The following PDCL2 variants were observed in gnomAD, a reference collection of about 807,000 sequenced individuals.
PDCL2 encodes the protein phosducin-like protein 2.
A neutral mutation model predicts 30.3 loss-of-function variants in PDCL2; 23 were observed. The ratio of observed to expected loss-of-function variants is 0.76; its 90% CI spans 0.55 to 1.08. The LOEUF (loss-of-function observed/expected upper bound fraction) is 1.08. Ranked by LOEUF, PDCL2 falls within the 50% of genes least tolerant of loss-of-function variation. The pLI is 0.00. For missense variants in PDCL2, 243 were observed against 282.3 expected, an observed-to-expected ratio of 0.86 and a Z score of 1.00; for synonymous variants, 68 against 86.2, an observed-to-expected ratio of 0.79 and a Z score of 1.17.
intron 1 of PDCL2, among the ~76,000 whole-genome samples, chr4:55,589,044 A>G (rs952614028): frequency 6.6e-6 from 1 of 152,050 alleles, no homozygotes; most frequent in Non-Finnish European, 1.5e-5. Context: ...TTTTTTTAGT[A>G]GAGACGGGGT....
At chr4:55,576,673 G>T (rs1250004771) in intron 3 of PDCL2, among the ~76,000 whole-genome samples, 2 of 151,928 alleles carry the variant, frequency 1.3e-5, no homozygotes, top group Admixed American at 6.6e-5. Flanking sequence ...AAATAAAAAT[G>T]GTACACTAGA....
chr4:55,582,244 AAAAAG>A lies in PDCL2; in HGVS notation c.7-12_7-8del, dbSNP rs752525270. The stretch of plus-strand genomic sequence containing the variant: ...CTGTATCTTCATTGGGATCCTACAC[AAAAAG>A]AAAAGAAAAGAAAATTAACATGGTT... On this transcript the variant is annotated splice_region_variant and splice_polypyrimidine_tract_variant and intron_variant, in intron 1 of 5. Transcript: ENST00000295645. 121 of 1,582,212 alleles carry A rather than the reference AAAAAG, an allele frequency of 7.6e-5. No individual in the cohort carries two copies. Among genetic ancestry groups the A allele is most frequent in the African/African-American group, 3.3e-4 (24 of 73,018 alleles).
At chr4:55,584,924 T>C (rs1304970260) in intron 1 of PDCL2, among the ~76,000 whole-genome samples, 2 of 152,214 alleles carry the variant, frequency 1.3e-5, no homozygotes, top group African/African-American at 2.4e-5. Context: ...GTTTTTATCA[T>C]GAAAGGATAT....
chr4:55,567,189 C>T (rs1349052745), intron 4 of PDCL2, among the ~76,000 whole-genome samples: 1 of 152,166 alleles, frequency 6.6e-6, no homozygotes, highest in Admixed American at 6.5e-5. Context: ...AATAACTTTT[C>T]TCTGAAGAAT....
At chr4:55,557,761 A>C (rs1457065211) in intron 5 of PDCL2, among the ~76,000 whole-genome samples, 2 of 151,980 alleles carry the variant, frequency 1.3e-5, no homozygotes, top group Admixed American at 1.3e-4. Flanking sequence ...GGTAAGACTC[A>C]AGACACAATT....
At chr4:55,567,599 T>G (rs139671038) in intron 4 of PDCL2, among the ~76,000 whole-genome samples, 3 of 152,342 alleles carry the variant, frequency 2.0e-5, no homozygotes, top group East Asian at 1.9e-4. Context: ...CTCTTGAAAC[T>G]GCTTGCTATT....
intron 5 of PDCL2, among the ~76,000 whole-genome samples, chr4:55,559,303 G>T (rs1054914104): frequency 1.3e-5 from 2 of 151,312 alleles, no homozygotes; most frequent in African/African-American, 4.8e-5. Flanking sequence ...CACAACAATG[G>T]TCACAGCAGA....
chr4:55,570,235 A>C (rs1292333114), intron 3 of PDCL2, among the ~76,000 whole-genome samples: 3 of 152,192 alleles, frequency 2.0e-5, no homozygotes, highest in African/African-American at 7.2e-5. Flanking sequence ...CTATGTTACC[A>C]GGCACTATTT....
intron 3 of PDCL2, among the ~76,000 whole-genome samples, chr4:55,572,408 C>G (rs1732450146): frequency 6.6e-6 from 1 of 152,232 alleles, no homozygotes; most frequent in South Asian, 2.1e-4. Context: ...ACTAGGGAAT[C>G]TGGAACTACC....
intron 3 of PDCL2, among the ~76,000 whole-genome samples, chr4:55,578,718 T>C (rs529631154): frequency 1.3e-5 from 2 of 152,306 alleles, no homozygotes; most frequent in East Asian, 1.9e-4. Flanking sequence ...CAGGGGTTAC[T>C]TGATCACCTC....
In PDCL2 at chr4:55,556,667, A is replaced by T; in HGVS notation, c.616T>A (p.Leu206Met). The T allele has an allele frequency of 6.4e-7, 1 of 1,570,220 alleles. No individual in the cohort carries two copies. Among genetic ancestry groups the T allele is most frequent in the Non-Finnish European group, 8.7e-7 (1 of 1,155,722 alleles). Residue 206 changes from leucine (L) to methionine (M), a missense_variant, in exon 6 of 6, where the codon TTG (leucine) becomes ATG (methionine). By Grantham distance (15) the Leu-to-Met change is conservative. Transcript: ENST00000295645. ...ATGTCTTTTCTGGGGTTTTCTTCCAAATCAGTCTGTATTGCTCCAACTTCT... is the reference window on the plus strand; with the variant it reads ...ATGTCTTTTCTGGGGTTTTCTTCCATATCAGTCTGTATTGCTCCAACTTCT... Reference protein sequence around the residue: ...LAEVGAIQTDLEENPRKDMVD... With the variant: ...LAEVGAIQTDMEENPRKDMVD...
intron 2 of PDCL2, among the ~76,000 whole-genome samples, chr4:55,581,419 A>G (rs1288101895): frequency 6.6e-6 from 1 of 152,198 alleles, no homozygotes; most frequent in Non-Finnish European, 1.5e-5. Flanking sequence ...TAGAACTGAC[A>G]GGCTACATTT....
At chr4:55,581,991 G>T (rs1577916729) in intron 2 of PDCL2, 126 bp downstream of exon 2, 3 of 1,291,028 alleles carry the variant, frequency 2.3e-6, no homozygotes, top group East Asian at 2.7e-5. Flanking sequence ...ACAGGTGTGA[G>T]CCACCATGCC....
rs773891115 is a variant in PDCL2, at chr4:55,556,573, TC to T, written c.709del (p.Asp237IlefsTer15). 40 of 1,557,434 alleles carry T rather than the reference TC, an allele frequency of 2.6e-5. No homozygotes were observed. The African/African-American group carries it at 4.5e-4, about 17-fold the overall frequency. On this transcript the variant is annotated frameshift_variant, in exon 6 of 6. Coordinates refer to ENST00000295645, the MANE Select transcript of PDCL2 (RefSeq NM_152401.3). LOFTEE classifies it high-confidence loss of function. ...TATTTCTCTCTATTTGGTATCATTA[TC>T]ACTGTTGGAGCTATCACTGTCATCA... Reference protein sequence around the residue: ...IHDDSDSSNSDNDTK With the variant: ...IHDDSDSSNSXNDTK
At chr4:55,571,013 T>C (rs1412789773) in intron 3 of PDCL2, among the ~76,000 whole-genome samples, 1 of 152,172 alleles carries the variant, frequency 6.6e-6, no homozygotes, top group African/African-American at 2.4e-5. Flanking sequence ...CAAATCAATC[T>C]AGGGCCCATA....
intron 1 of PDCL2, among the ~76,000 whole-genome samples, chr4:55,587,888 T>C (rs1158608625): frequency 6.6e-6 from 1 of 151,330 alleles, no homozygotes; most frequent in East Asian, 1.9e-4. Flanking sequence ...TAATATCCTC[T>C]GACGCAAAAA....
intron 3 of PDCL2, among the ~76,000 whole-genome samples, chr4:55,578,083 T>C (rs140599937): frequency 1.3e-5 from 2 of 152,326 alleles, no homozygotes; most frequent in African/African-American, 4.8e-5. Flanking sequence ...AGCCTGCATC[T>C]TCCCCGGAGT....
intron 3 of PDCL2, among the ~76,000 whole-genome samples, chr4:55,573,450 G>C (rs1411031025): frequency 6.6e-6 from 1 of 152,010 alleles, no homozygotes; most frequent in African/African-American, 2.4e-5. Flanking sequence ...ATTGTATGGT[G>C]TTTAATAACA....
chr4:55,579,323 TTTTGTTTGTTTG>T (rs561786135), intron 3 of PDCL2, among the ~76,000 whole-genome samples: 1 of 152,082 alleles, frequency 6.6e-6, no homozygotes, highest in African/African-American at 2.4e-5. Flanking sequence ...TTTATTTGTT[TTTTGTTTGTTTG>T]TTTGTTTGTT....
Sources: allele counts gnomAD v4.1 joint callset (sites outside exome capture counted in the v4.1 genomes callset), GRCh38; gene constraint gnomAD v4.1.1; transcripts MANE v1.5; gene names NCBI Gene and HGNC (gene_info 2026-07-23, HGNC 2026-07-21).